Variants in ERP44 observed in about 807,000 individuals in gnomAD.
ERP44 encodes endoplasmic reticulum resident protein 44.
In ERP44, 25 loss-of-function variants were observed where a neutral mutation model predicts 53.4. That is an observed-to-expected ratio of 0.47 (90% CI 0.34 to 0.65). ERP44 has a LOEUF of 0.65. Ranked by LOEUF, ERP44 falls within the 30% of genes least tolerant of loss-of-function variation. The pLI, the probability that ERP44 is intolerant of heterozygous loss-of-function variation, is 0.01. For missense variants in ERP44, 338 were observed against 493.2 expected, an observed-to-expected ratio of 0.69 and a Z score of 2.98; for synonymous variants, 145 against 161.2, an observed-to-expected ratio of 0.90 and a Z score of 0.76.
chr9:99,998,029 A>G (rs1830332147), intron 10 of ERP44, among the ~76,000 whole-genome samples: 1 of 152,166 alleles, frequency 6.6e-6, no homozygotes, highest in Non-Finnish European at 1.5e-5. Flanking sequence ...ACATTTTTCT[A>G]CTGTCCAATG....
intron 4 of ERP44, among the ~76,000 whole-genome samples, chr9:100,042,660 A>T (rs1825918496): frequency 1.3e-5 from 2 of 152,342 alleles, no homozygotes; most frequent in East Asian, 1.9e-4. Flanking sequence ...AAGCAACCTA[A>T]GTGTCCATTG....
intron 3 of ERP44, among the ~76,000 whole-genome samples, chr9:100,053,911 A>G (rs1826063073): frequency 6.6e-6 from 1 of 152,208 alleles, no homozygotes; most frequent in Non-Finnish European, 1.5e-5. Flanking sequence ...TTTAATCCAC[A>G]TGTAATTAGT....
chr9:99,984,943 T>C (rs569923253), intron 11 of ERP44, 24 bp downstream of exon 11: 144 of 1,464,348 alleles, frequency 9.8e-5, no homozygotes, highest in Admixed American at 1.4e-4. Context: ...AGAGTTCTCA[T>C]TGAAAAATAA....
chr9:100,017,105 C>T (rs1482706328), intron 7 of ERP44, among the ~76,000 whole-genome samples: 3 of 152,166 alleles, frequency 2.0e-5, no homozygotes, highest in Admixed American at 6.6e-5. Context: ...TTATTACCTA[C>T]ATATCTGTTT....
At chr9:100,071,959 T>C (rs1826311445) in intron 1 of ERP44, among the ~76,000 whole-genome samples, 1 of 152,146 alleles carries the variant, frequency 6.6e-6, no homozygotes, top group Non-Finnish European at 1.5e-5. Flanking sequence ...AAAAATTACA[T>C]TGTTACTTCT....
chr9:100,072,938 T>C (rs1371681773), intron 1 of ERP44, among the ~76,000 whole-genome samples: 1 of 152,172 alleles, frequency 6.6e-6, no homozygotes, highest in African/African-American at 2.4e-5. Context: ...TTTTATAACA[T>C]GTATTAATTA....
intron 4 of ERP44, among the ~76,000 whole-genome samples, chr9:100,039,298 T>A (rs1825877829): frequency 6.6e-6 from 1 of 152,094 alleles, no homozygotes; most frequent in Non-Finnish European, 1.5e-5. Context: ...ACAAAACAAG[T>A]CTTAAAACGT....
Position 100,041,946 on chromosome 9 carries a change from G to T in ERP44, c.286+10471C>A, listed in dbSNP as rs1278219709. 2.6e-5 allele frequency among the ~76,000 whole-genome samples: 4 copies of T among 152,268 alleles called. No individual in the cohort carries two copies. In the South Asian group the frequency reaches 6.2e-4, roughly 24 times the overall value. ...ACTTAAATCTCAGACTTCAAACTATGAAACTACTACAAGAAAACATTGGGG... is the reference window on the plus strand; with the variant it reads ...ACTTAAATCTCAGACTTCAAACTATTAAACTACTACAAGAAAACATTGGGG... On this transcript the variant is annotated intron_variant, in intron 4 of 11. Transcript: ENST00000262455.
At chr9:100,089,253 A>G (rs950072104) in intron 1 of ERP44, among the ~76,000 whole-genome samples, 7 of 152,278 alleles carry the variant, frequency 4.6e-5, no homozygotes, top group Admixed American at 3.9e-4. Context: ...AATGGCTCCA[A>G]AGCACAAGAG....
intron 11 of ERP44, among the ~76,000 whole-genome samples, chr9:99,983,522 G>A (rs984597265): frequency 3.0e-5 from 4 of 131,912 alleles, no homozygotes; most frequent in South Asian, 2.4e-4. Context: ...TCCGCAGTCC[G>A]ACCTGGGCGA....
At chr9:100,041,954 T>C (rs984768812) in intron 4 of ERP44, among the ~76,000 whole-genome samples, 25 of 152,206 alleles carry the variant, frequency 1.6e-4, no homozygotes, top group African/African-American at 5.8e-4. Context: ...ATGAAACTAC[T>C]ACAAGAAAAC....
At chr9:100,067,803 C>T (rs1246909547) in intron 1 of ERP44, among the ~76,000 whole-genome samples, 6 of 151,798 alleles carry the variant, frequency 4.0e-5, no homozygotes, top group African/African-American at 9.7e-5. Flanking sequence ...TCTGCCCAGC[C>T]GCCCATCGTC....
At chr9:100,054,668 A>G (rs1163963574) in intron 3 of ERP44, among the ~76,000 whole-genome samples, 1 of 152,234 alleles carries the variant, frequency 6.6e-6, no homozygotes, top group East Asian at 1.9e-4. Context: ...ATGTTGAACC[A>G]GTAAGTATAA....
chr9:100,070,994 T>C (rs1383212425), intron 1 of ERP44, among the ~76,000 whole-genome samples: 4 of 152,068 alleles, frequency 2.6e-5, no homozygotes, highest in Non-Finnish European at 5.9e-5. Flanking sequence ...ATAGTATTGG[T>C]ATACTAAACT....
chr9:100,046,321 CA>C (rs1564097052), intron 4 of ERP44, among the ~76,000 whole-genome samples: 1 of 151,818 alleles, frequency 6.6e-6, no homozygotes, highest in Admixed American at 6.6e-5. Context: ...TACTCTAGAA[CA>C]ACAACAACAA....
chr9:100,008,636 A>T (rs1241770271), intron 8 of ERP44, among the ~76,000 whole-genome samples: 1 of 152,228 alleles, frequency 6.6e-6, no homozygotes, highest in East Asian at 1.9e-4. Flanking sequence ...ATTTTACAGG[A>T]TTAAAAGTTT....
At chr9:100,064,664 A>C (rs1826190298) in intron 1 of ERP44, among the ~76,000 whole-genome samples, 1 of 152,138 alleles carries the variant, frequency 6.6e-6, no homozygotes, top group East Asian at 1.9e-4. Flanking sequence ...CTGCATAAAA[A>C]TGTTTTGGTT....
intron 1 of ERP44, among the ~76,000 whole-genome samples, chr9:100,067,647 C>G (rs983519808): frequency 1.2e-4 from 18 of 151,932 alleles, no homozygotes; most frequent in African/African-American, 4.1e-4. Flanking sequence ...TCTGCCTGGC[C>G]GCCCATCGTC....
intron 10 of ERP44, among the ~76,000 whole-genome samples, chr9:99,991,614 C>T (rs1014236058): frequency 1.3e-5 from 2 of 152,010 alleles, no homozygotes; most frequent in Non-Finnish European, 1.5e-5. Context: ...ACTAGAGAAG[C>T]AAGAGCAAAC....
Sources: allele counts gnomAD v4.1 joint callset (sites outside exome capture counted in the v4.1 genomes callset), GRCh38; gene constraint gnomAD v4.1.1; transcripts MANE v1.5; gene names NCBI Gene and HGNC (gene_info 2026-07-23, HGNC 2026-07-21).